DLGAP2: variants seen among roughly 807,000 people sequenced by gnomAD.
The protein encoded by DLGAP2 is DLG associated protein 2.
In DLGAP2, 26 loss-of-function variants were observed where a neutral mutation model predicts 100.3. The observed-to-expected ratio is 0.26, with a 90% CI of 0.19 to 0.36. The LOEUF (loss-of-function observed/expected upper bound fraction) is 0.36, where lower values mean the gene tolerates loss of function less well. Among genes scored for constraint, DLGAP2 ranks in the 10% least tolerant of loss-of-function variants. The probability of loss-of-function intolerance (pLI) is 1.00; values close to 1 mark genes in which losing one functional copy is unlikely to be tolerated. For missense variants in DLGAP2, 1,858 were observed against 1,453.2 expected, an observed-to-expected ratio of 1.28 and a Z score of -4.53; for synonymous variants, 886 against 630.1, an observed-to-expected ratio of 1.41 and a Z score of -6.08.
chr8:1,226,512 A>C (rs1169218998), intron 2 of DLGAP2, among the ~76,000 whole-genome samples: 1 of 152,176 alleles, frequency 6.6e-6, no homozygotes, highest in Non-Finnish European at 1.5e-5. Flanking sequence ...TAAATAGCTA[A>C]TGCATGTGGG....
intron 4 of DLGAP2, among the ~76,000 whole-genome samples, chr8:1,547,039 C>T (rs148555078): frequency 6.6e-6 from 1 of 152,224 alleles, no homozygotes; most frequent in East Asian, 1.9e-4. Context: ...GGAGCCGGGT[C>T]TTGGAGTGAA....
intron 1 of DLGAP2, among the ~76,000 whole-genome samples, chr8:821,141 A>G (rs1796576435): frequency 6.6e-6 from 1 of 152,224 alleles, no homozygotes; most frequent in Non-Finnish European, 1.5e-5. Flanking sequence ...TTCTTACCTT[A>G]TTAGAATTTT....
At chr8:786,286 A>G (rs1028931961) in intron 1 of DLGAP2, among the ~76,000 whole-genome samples, 2 of 152,062 alleles carry the variant, frequency 1.3e-5, no homozygotes, top group Admixed American at 6.5e-5. Context: ...CAGTTGGTCC[A>G]TGGAGCTGGG....
intron 3 of DLGAP2, among the ~76,000 whole-genome samples, chr8:1,483,118 C>G (rs1266050831): frequency 6.6e-6 from 1 of 152,162 alleles, no homozygotes; most frequent in African/African-American, 2.4e-5. Flanking sequence ...ACGCTCGGTG[C>G]CGGCAGGAAG....
At chr8:1,571,718 T>C (rs1343292706) in intron 6 of DLGAP2, among the ~76,000 whole-genome samples, 1 of 73,880 alleles carries the variant, frequency 1.4e-5, no homozygotes, top group Admixed American at 1.5e-4. Context: ...GGGTGAACTG[T>C]GGGGGCGTCT....
chr8:892,325 G>A (rs565797665), intron 1 of DLGAP2, among the ~76,000 whole-genome samples: 1 of 152,282 alleles, frequency 6.6e-6, no homozygotes, highest in South Asian at 2.1e-4. Context: ...TGGGAGGATG[G>A]GTGAAGAGCG....
intron 6 of DLGAP2, 125 bp downstream of exon 6, chr8:1,566,019 T>C: frequency 1.4e-6 from 1 of 720,258 alleles, no homozygotes; most frequent in Non-Finnish European, 2.1e-6. Flanking sequence ...GCTGAAAATA[T>C]TAGACCCATG....
intron 3 of DLGAP2, among the ~76,000 whole-genome samples, chr8:1,290,517 G>C (rs1800035100): frequency 6.6e-6 from 1 of 152,182 alleles, no homozygotes; most frequent in Admixed American, 6.5e-5. Context: ...TTATAATGAA[G>C]GGATCAAAGG....
chr8:1,333,211 T>C (rs572740552), intron 3 of DLGAP2, among the ~76,000 whole-genome samples: 28 of 151,984 alleles, frequency 1.8e-4, no homozygotes, highest in East Asian at 5.9e-4. Context: ...ATTACAGAGA[T>C]GGAGGAAGGA....
intron 4 of DLGAP2, among the ~76,000 whole-genome samples, chr8:1,511,902 G>C (rs140330084): frequency 3.7e-4 from 57 of 152,346 alleles, no homozygotes; most frequent in South Asian, 2.1e-4. Flanking sequence ...GAAACATTAG[G>C]CTCCAAGTCT....
intron 2 of DLGAP2, among the ~76,000 whole-genome samples, chr8:938,532 A>T (rs1584905638): frequency 6.6e-6 from 1 of 152,130 alleles, no homozygotes; most frequent in South Asian, 2.1e-4. Flanking sequence ...GGGGGTAGGG[A>T]AGGGATCTGG....
chr8:1,091,678 G>A (rs999998949), intron 2 of DLGAP2, among the ~76,000 whole-genome samples: 1 of 152,162 alleles, frequency 6.6e-6, no homozygotes, highest in Non-Finnish European at 1.5e-5. Context: ...GAGAGATCAT[G>A]AGTTGGTGAA....
At chr8:1,430,186 A>G (rs562658726) in intron 3 of DLGAP2, among the ~76,000 whole-genome samples, 1 of 151,200 alleles carries the variant, frequency 6.6e-6, no homozygotes, top group East Asian at 1.9e-4. Context: ...ATTCTCTGCA[A>G]AAATACTTTA....
At chr8:1,425,405 G>T (rs550830185) in intron 3 of DLGAP2, among the ~76,000 whole-genome samples, 2 of 152,142 alleles carry the variant, frequency 1.3e-5, no homozygotes, top group African/African-American at 4.8e-5. Flanking sequence ...TTTGCTACTC[G>T]ACAGCATCGC....
In DLGAP2 at chr8:1,074,295, G is replaced by C. The variant is rs548791388; in HGVS notation, c.73+166329G>C. 2.8e-4 allele frequency among the ~76,000 whole-genome samples: 43 copies of C among 151,470 alleles called. No individual in the cohort carries two copies. In the Middle Eastern group the frequency reaches 0.01, roughly 36 times the overall value. ...CTGAACTCACCCAGGTACATATTCA[G>C]GATTCACTGTCACAGAAGGGTTTGC... On this transcript the variant is annotated intron_variant, in intron 2 of 14. Coordinates refer to ENST00000637795, the MANE Select transcript of DLGAP2 (RefSeq NM_001346810.2).
chr8:774,875 A>G (rs1301139784), intron 1 of DLGAP2, among the ~76,000 whole-genome samples: 2 of 146,866 alleles, frequency 1.4e-5, no homozygotes, highest in East Asian at 2.0e-4. Context: ...GTTTTTTCCA[A>G]TTCTGTGAAG....
chr8:1,424,735 C>G (rs1797192719), intron 3 of DLGAP2, among the ~76,000 whole-genome samples: 1 of 152,150 alleles, frequency 6.6e-6, no homozygotes. Flanking sequence ...TGGTGTGATC[C>G]CCTTACACGC....
chr8:1,108,206 C>T (rs1394250733), intron 2 of DLGAP2, among the ~76,000 whole-genome samples: 1 of 152,172 alleles, frequency 6.6e-6, no homozygotes, highest in East Asian at 1.9e-4. Flanking sequence ...ACTGTCCTTC[C>T]TGTCCAGATG....
intron 3 of DLGAP2, among the ~76,000 whole-genome samples, chr8:1,463,970 A>G (rs1303269486): frequency 6.6e-6 from 1 of 152,256 alleles, no homozygotes; most frequent in Non-Finnish European, 1.5e-5. Flanking sequence ...TATCAGGCAC[A>G]TAACAACTGA....
Sources: allele counts gnomAD v4.1 joint callset (sites outside exome capture counted in the v4.1 genomes callset), GRCh38; gene constraint gnomAD v4.1.1; transcripts MANE v1.5; gene names NCBI Gene and HGNC (gene_info 2026-07-23, HGNC 2026-07-21).